The following B4GALNT2 variants were observed in gnomAD, a reference collection of about 807,000 sequenced individuals.
The protein encoded by B4GALNT2 is N-acetylneuraminylgalactosylglucosyl-glucoside beta-1,4-N- acetylgalactosaminyltransferase 2.
In B4GALNT2, 42 loss-of-function variants were observed where a neutral mutation model predicts 51.1. That is an observed-to-expected ratio of 0.82 (90% CI 0.64 to 1.06). B4GALNT2 has a LOEUF of 1.06. Among genes scored for constraint, B4GALNT2 ranks in the 50% least tolerant of loss-of-function variants. B4GALNT2 has a pLI of 0.00. For missense variants in B4GALNT2, 602 were observed against 633.6 expected, an observed-to-expected ratio of 0.95 and a Z score of 0.54; for synonymous variants, 253 against 251.7, an observed-to-expected ratio of 1.01 and a Z score of -0.05.
intron 9 of B4GALNT2, among the ~76,000 whole-genome samples, chr17:49,167,640 C>T (rs1027194455): frequency 2.7e-4 from 37 of 135,778 alleles, no homozygotes; most frequent in Non-Finnish European, 4.1e-4. Context: ...GACAGAGTCT[C>T]GCTCTGTCAC....
intron 3 of B4GALNT2, among the ~76,000 whole-genome samples, chr17:49,147,124 G>T (rs1353951204): frequency 2.6e-5 from 4 of 152,224 alleles, no homozygotes; most frequent in African/African-American, 9.6e-5. Flanking sequence ...AATGACCCGG[G>T]GATCCATATA....
upstream of B4GALNT2, among the ~76,000 whole-genome samples, chr17:49,128,563 G>A (rs528019250): frequency 5.9e-5 from 9 of 152,202 alleles, no homozygotes; most frequent in Admixed American, 1.3e-4. Flanking sequence ...AGAGAGGGTC[G>A]GGATCTAAAG....
chr17:49,167,861 C>T (rs1214332257), intron 9 of B4GALNT2, among the ~76,000 whole-genome samples: 2 of 152,136 alleles, frequency 1.3e-5, no homozygotes, highest in African/African-American at 2.4e-5. Flanking sequence ...CCACCCACCT[C>T]AGCCTCCCAA....
intron 2 of B4GALNT2, 69 bp from the exon 3 acceptor site, chr17:49,141,966 A>G (rs532174062): frequency 3.2e-4 from 498 of 1,576,140 alleles, no homozygotes; most frequent in Non-Finnish European, 4.0e-4. Context: ...CTGGATTAGG[A>G]CTCCGGTTTC....
intron 4 of B4GALNT2, 97 bp from the exon 5 acceptor site, chr17:49,156,469 T>C (rs914010202): frequency 2.2e-6 from 3 of 1,343,462 alleles, no homozygotes; most frequent in Admixed American, 3.6e-5. Flanking sequence ...GAAGGAGCTC[T>C]CAAGGATGTG....
intron 3 of B4GALNT2, chr17:49,148,762 A>G: frequency 1.9e-6 from 1 of 537,580 alleles, no homozygotes; most frequent in Admixed American, 2.6e-5. Flanking sequence ...CCCTCCTTTA[A>G]AAGGAGTTCA....
chr17:49,156,678 T>G, intron 5 of B4GALNT2, 75 bp downstream of exon 5: 3 of 1,500,078 alleles, frequency 2.0e-6, no homozygotes, highest in South Asian at 2.3e-5. Context: ...GCTCTCAGCC[T>G]TTGACGGAGC....
At chr17:49,162,912 CAA>C (rs34568226) in intron 7 of B4GALNT2, among the ~76,000 whole-genome samples, 19 of 53,632 alleles carry the variant, frequency 3.5e-4, no homozygotes, top group South Asian at 1.2e-3. Flanking sequence ...GAAACTGTCT[CAA>C]AAAAAAAAAA....
At chr17:49,129,180 AAG>A (rs2042524960), upstream of B4GALNT2, among the ~76,000 whole-genome samples, 1 of 125,260 alleles carries the variant, frequency 8.0e-6, no homozygotes, top group East Asian at 2.0e-4. Flanking sequence ...TGGGGAGAGA[AAG>A]AGAGAGACAG....
chr17:49,143,267 AAAAC>A (rs1193306004), intron 3 of B4GALNT2, among the ~76,000 whole-genome samples: 17 of 149,490 alleles, frequency 1.1e-4, no homozygotes, highest in South Asian at 6.3e-4. Context: ...GAAAAGAGAA[AAAAC>A]AAACAAACAA....
At position 49,175,653 on chromosome 17, in the gene B4GALNT2, G is replaced by A. The variant is rs1361596196; in HGVS notation, c.*5925G>A. On this transcript the variant is annotated 3_prime_UTR_variant, in exon 11 of 11. Transcript: ENST00000393354. ...AGACATTGTACAGGGGTGAGGGAGT[G>A]AGCTATAATATTTCCCTGTTGATCT... 3 of 152,110 alleles carry A rather than the reference G, an allele frequency of 2.0e-5. No individual in the cohort carries two copies. The highest frequency in any genetic ancestry group is 4.4e-5 in the Non-Finnish European group (3 of 68,046). The allele number at this position is 152,110 out of a possible 1,614,324, so 9.4% of individuals were successfully genotyped here.
chr17:49,121,204 T>C, the B4GALNT2 span, among the ~76,000 whole-genome samples: 1 of 152,186 alleles, frequency 6.6e-6, no homozygotes, highest in Non-Finnish European at 1.5e-5. Context: ...GAGCCAGGCC[T>C]GCGCAAGGCT....
At chr17:49,144,260 A>G (rs1242291696) in intron 3 of B4GALNT2, among the ~76,000 whole-genome samples, 2 of 152,160 alleles carry the variant, frequency 1.3e-5, no homozygotes, top group Non-Finnish European at 2.9e-5. Context: ...ACAACATATG[A>G]ATTTGGGAAT....
chr17:49,140,609 T>A (rs180710782), intron 1 of B4GALNT2, among the ~76,000 whole-genome samples: 1 of 151,924 alleles, frequency 6.6e-6, no homozygotes, highest in Non-Finnish European at 1.5e-5. Context: ...TGGATAAAAG[T>A]TCACGGCTAT....
chr17:49,168,154 A>T (rs1190778364), intron 9 of B4GALNT2, among the ~76,000 whole-genome samples: 1 of 152,182 alleles, frequency 6.6e-6, no homozygotes, highest in Admixed American at 6.5e-5. Context: ...TCAGAAATAG[A>T]TGTACTTGCT....
Position 49,152,919 on chromosome 17 carries a change from A to G in B4GALNT2, c.460+13A>G, listed in dbSNP as rs764323587. On this transcript the variant is annotated intron_variant, in intron 4 of 10. Transcript: ENST00000393354. ...GTTCCCATCCCAGGTAAGTACATCCACATACCAAGAGACCCCAGACAACAT... is the reference window on the plus strand; with the variant it reads ...GTTCCCATCCCAGGTAAGTACATCCGCATACCAAGAGACCCCAGACAACAT... 2.3e-5 allele frequency: 36 copies of G among 1,590,760 alleles called. No homozygotes were observed. The highest frequency in any genetic ancestry group is 3.1e-5 in the Non-Finnish European group (36 of 1,163,402).
intron 1 of B4GALNT2, among the ~76,000 whole-genome samples, chr17:49,133,563 T>A (rs2042560949): frequency 6.6e-6 from 1 of 152,160 alleles, no homozygotes; most frequent in African/African-American, 2.4e-5. Context: ...GACAAAGAAG[T>A]CATCTCACAA....
chr17:49,155,072 G>A (rs1348557978), intron 4 of B4GALNT2, among the ~76,000 whole-genome samples: 3 of 152,088 alleles, frequency 2.0e-5, no homozygotes, highest in Non-Finnish European at 4.4e-5. Flanking sequence ...CACTTTGGGG[G>A]CTGAGGCGGA....
At position 49,132,938 on chromosome 17, in the gene B4GALNT2, T is replaced by G. The variant is rs372205958; in HGVS notation, c.14+132T>G. 23 of 1,381,716 alleles carry G rather than the reference T, an allele frequency of 1.7e-5. No individual in the cohort carries two copies. The East Asian group carries it at 1.9e-4, about 11-fold the overall frequency. 85.6% of individuals were successfully genotyped at this position (1,381,716 alleles called of 1,614,324 possible). A position where few individuals can be genotyped will look rare whatever the true frequency, so the allele number is the denominator to read the frequency against. On this transcript the variant is annotated intron_variant, in intron 1 of 10. Coordinates refer to ENST00000393354, the MANE Select transcript of B4GALNT2 (RefSeq NM_001159387.2). ...ACGCCGGAGCCAGGGAGCGGGCGGTTGGAGTCTTAAGTCCAACCGGTTCCC... is the reference window on the plus strand; with the variant it reads ...ACGCCGGAGCCAGGGAGCGGGCGGTGGGAGTCTTAAGTCCAACCGGTTCCC...
Sources: allele counts gnomAD v4.1 joint callset (sites outside exome capture counted in the v4.1 genomes callset), GRCh38; gene constraint gnomAD v4.1.1; transcripts MANE v1.5; gene names NCBI Gene and HGNC (gene_info 2026-07-23, HGNC 2026-07-21).